Variants in WRAP53 observed in about 807,000 individuals in gnomAD.
The protein encoded by WRAP53 is WD repeat containing antisense to TP53, also known as telomerase Cajal body protein 1.
Under a neutral mutation model 56.6 loss-of-function variants are expected in WRAP53, and 28 were observed. That is an observed-to-expected ratio of 0.50 (90% CI 0.37 to 0.68). The LOEUF is 0.68. Among genes scored for constraint, WRAP53 ranks in the 30% least tolerant of loss-of-function variants. The pLI is 0.00. For missense variants in WRAP53, 671 were observed against 715.5 expected (o/e 0.94, Z 0.71); for synonymous variants, 283 against 283.4 (o/e 1.00, Z 0.01).
chr17:7,689,788 C>T, intron 4 of WRAP53, 87 bp downstream of exon 4: 1 of 1,126,270 alleles, frequency 8.9e-7, no homozygotes, highest in Non-Finnish European at 1.3e-6. Flanking sequence ...CAAGTGTTTC[C>T]TGTTCACAAA....
intron 4 of WRAP53, among the ~76,000 whole-genome samples, chr17:7,699,481 TA>T (rs2074236677): frequency 1.2e-4 from 1 of 8,474 alleles, no homozygotes; most frequent in Non-Finnish European, 1.9e-4. Flanking sequence ...TATATTTATA[TA>T]TATATATATA....
chr17:7,695,609 C>T (rs1435174607), intron 4 of WRAP53, among the ~76,000 whole-genome samples: 3 of 152,108 alleles, frequency 2.0e-5, no homozygotes, highest in Admixed American at 6.6e-5. Flanking sequence ...GAAACTTTTC[C>T]CTTGAGGCTT....
chr17:7,699,458 T>TTATATATATATATA (rs1165734343), intron 4 of WRAP53, among the ~76,000 whole-genome samples: 2 of 39,878 alleles, frequency 5.0e-5, no homozygotes, highest in African/African-American at 1.9e-4. Flanking sequence ...ATATATATAT[T>TTATATATATATATA]TATATATATA....
rs1234525459 is a variant in WRAP53, at chr17:7,701,552, A to G, written c.822+3A>G. 1.2e-6 allele frequency: 2 copies of G among 1,614,236 alleles called. No homozygotes were observed. The highest frequency in any genetic ancestry group is 1.7e-6 in the Non-Finnish European group (2 of 1,180,038). On this transcript the variant is annotated splice_donor_region_variant and intron_variant, in intron 6 of 10. Coordinates refer to ENST00000396463, the MANE Select transcript of WRAP53 (RefSeq NM_001143992.2). The surrounding 1 kb of genome is among the most constrained non-coding windows in gnomAD (Gnocchi z 4.2). Reference sequence around the variant, plus strand: ...CCTTTCGCGCCTACAACCACCTGGTAGGGACCGCCATACTCAGCCCCAGCA... The same window carrying G: ...CCTTTCGCGCCTACAACCACCTGGTGGGGACCGCCATACTCAGCCCCAGCA...
chr17:7,699,502 T>TATATATATTTATA (rs1567577549), intron 4 of WRAP53, among the ~76,000 whole-genome samples: 1 of 11,764 alleles, frequency 8.5e-5, no homozygotes, highest in Admixed American at 1.5e-3. Flanking sequence ...ATATATATAT[T>TATATATATTTATA]TATATATATA....
chr17:7,701,667 C>T lies in WRAP53; in HGVS notation c.833C>T (p.Thr278Met), dbSNP rs140702003. ...FRAYNHLDEL[T>M]AAHSLCFSPD... is the part of the protein sequence containing the mutation. ...CTTTCCTTCCCCCAGGATGAGCTGACGGCAGCCCATTCGCTCTGCTTCTCC... is the reference window on the plus strand; with the variant it reads ...CTTTCCTTCCCCCAGGATGAGCTGATGGCAGCCCATTCGCTCTGCTTCTCC... The change falls in exon 7 of 11, where the codon ACG (threonine) becomes ATG (methionine). Residue 278 changes from threonine to methionine, a missense_variant. Transcript: ENST00000396463. This position sits in a 1 kb window ranked among gnomAD's most constrained non-coding sequence, Gnocchi z 4.2. The T allele has an allele frequency of 1.6e-5, 26 of 1,614,236 alleles. No individual in the cohort carries two copies. The highest frequency in any genetic ancestry group is 4.4e-5 in the South Asian group (4 of 91,090).
rs145615009 is a variant in WRAP53 at position 7,695,112 on chromosome 17, C to A, written c.642+5411C>A. 1.2e-4 allele frequency among the ~76,000 whole-genome samples: 18 copies of A among 152,146 alleles called. No individual in the cohort carries two copies. In the East Asian group the frequency reaches 3.3e-3, roughly 28 times the overall value. ...GGACTACACGCACCCACTGCCACCA[C>A]GCCAGGCTAATTTTTTGTATTTTTA... On this transcript the variant is annotated intron_variant, in intron 4 of 10. Coordinates refer to ENST00000396463, the MANE Select transcript of WRAP53 (RefSeq NM_001143992.2).
rs1430366658 is a variant in WRAP53 at position 7,701,976 on chromosome 17, A to G, written c.955+187A>G. 7.5e-6 allele frequency: 7 copies of G among 938,056 alleles called. No individual in the cohort carries two copies. The highest frequency in any genetic ancestry group is 6.0e-5 in the Admixed American group (3 of 50,264). The allele number at this position is 938,056 out of a possible 1,614,324, so 58.1% of individuals were successfully genotyped here. A position where few individuals can be genotyped will look rare whatever the true frequency, so the allele number is the denominator to read the frequency against. On this transcript the variant is annotated intron_variant, in intron 7 of 10. Coordinates refer to ENST00000396463, the MANE Select transcript of WRAP53 (RefSeq NM_001143992.2). The surrounding 1 kb of genome is among the most constrained non-coding windows in gnomAD (Gnocchi z 4.2). ...GCAGGTAGGAAACCTTCCCAAGGCC[A>G]ACCAGCTGGTCAAAGGACTGCTTCC...
At chr17:7,694,683 C>T (rs1487734019) in intron 4 of WRAP53, among the ~76,000 whole-genome samples, 3 of 152,060 alleles carry the variant, frequency 2.0e-5, no homozygotes, top group Non-Finnish European at 4.4e-5. Flanking sequence ...CAGATCCTGT[C>T]TCTATCAAAA....
At chr17:7,694,242 C>CTTTTTTTTTTTTT (rs749740076) in intron 4 of WRAP53, among the ~76,000 whole-genome samples, 30 of 122,580 alleles carry the variant, frequency 2.4e-4, no homozygotes, top group Middle Eastern at 4.3e-3. Flanking sequence ...TTTTTTCTTT[C>CTTTTTTTTTTTTT]TTTTTTTTTT....
chr17:7,699,348 G>A (rs2074226910), intron 4 of WRAP53, among the ~76,000 whole-genome samples: 1 of 148,660 alleles, frequency 6.7e-6, no homozygotes, highest in East Asian at 2.0e-4. Flanking sequence ...TTGAACCTGG[G>A]AGGTGGAGGT....
In WRAP53 at chr17:7,703,319, G is replaced by A. The variant is rs35123152; in HGVS notation, c.1480G>A (p.Glu494Lys). Reference protein sequence around the residue: ...VFPEPTESGDEGEELGLPLLS... With the variant: ...VFPEPTESGDKGEELGLPLLS... ...TCCTGAGCCCACAGAGAGTGGGGAC[G>A]AAGGAGAGGAGCTGGGCCTTCCCTT... is the stretch of plus-strand genomic sequence containing the variant. Residue 494 changes from glutamate to lysine, a missense_variant, in exon 11 of 11, where the codon GAA (glutamate) becomes AAA (lysine). Coordinates refer to ENST00000396463, the MANE Select transcript of WRAP53 (RefSeq NM_001143992.2). 6.2e-6 allele frequency: 10 copies of A among 1,613,872 alleles called. No homozygotes were observed. The highest frequency in any genetic ancestry group is 1.7e-5 in the Admixed American group (1 of 59,998).
upstream of WRAP53, chr17:7,687,648 G>A: frequency 2.5e-6 from 1 of 398,800 alleles, no homozygotes; most frequent in Non-Finnish European, 4.4e-6. Flanking sequence ...ATGGAGTTGG[G>A]GAGGAGGGTG....
chr17:7,693,576 G>A (rs1020877452), intron 4 of WRAP53, among the ~76,000 whole-genome samples: 11 of 152,096 alleles, frequency 7.2e-5, no homozygotes, highest in African/African-American at 2.4e-4. Context: ...AAAATTAGCC[G>A]GGCTTAGTGG....
At chr17:7,703,211 G>A in intron 10 of WRAP53, 32 bp from the exon 11 acceptor site, 1 of 1,613,088 alleles carries the variant, frequency 6.2e-7, no homozygotes, top group Non-Finnish European at 8.5e-7. Context: ...CTCACTGAAG[G>A]CACTGATAGA....
At chr17:7,694,656 A>G (rs1354427947) in intron 4 of WRAP53, among the ~76,000 whole-genome samples, 1 of 151,160 alleles carries the variant, frequency 6.6e-6, no homozygotes, top group East Asian at 1.9e-4. Context: ...GTTTGAGACC[A>G]GCCTTGGTAA....
chr17:7,703,230 A>G lies in WRAP53; in HGVS notation c.1404-13A>G. 1 of 1,613,184 alleles carries G rather than the reference A, an allele frequency of 6.2e-7. No individual in the cohort carries two copies. Among genetic ancestry groups the G allele is most frequent in the Non-Finnish European group, 8.5e-7 (1 of 1,179,992 alleles). On this transcript the variant is annotated splice_polypyrimidine_tract_variant and intron_variant, in intron 10 of 10. Coordinates refer to ENST00000396463, the MANE Select transcript of WRAP53 (RefSeq NM_001143992.2). ...CTGAAGGCACTGATAGACCCTCCCC[A>G]TCTCTCCCTCAGCCTGCACCCTAGC... is the stretch of plus-strand genomic sequence containing the variant.
In WRAP53 at chr17:7,701,601, C is replaced by T; in HGVS notation, c.822+52C>T. On this transcript the variant is annotated intron_variant, in intron 6 of 10. Transcript: ENST00000396463. This position sits in a 1 kb window ranked among gnomAD's most constrained non-coding sequence, Gnocchi z 4.2. ...CACTCGTACTGGCCCGGCTCTCCTT[C>T]CTTGAGGGCAGCTGAGGCTTTGCAA... 5.6e-6 allele frequency: 9 copies of T among 1,614,264 alleles called. No individual in the cohort carries two copies. The highest frequency in any genetic ancestry group is 7.6e-6 in the Non-Finnish European group (9 of 1,180,054).
At position 7,702,863 on chromosome 17, in the gene WRAP53, C is replaced by A. The variant is rs750980677; in HGVS notation, c.1268+17C>A. On this transcript the variant is annotated intron_variant, in intron 9 of 10. Transcript: ENST00000396463. The surrounding 1 kb of genome is among the most constrained non-coding windows in gnomAD (Gnocchi z 5.0). ...TCTGGACCCGTGAGTGGCTGTGACT[C>A]CTTCCTACACAGGGCCCTGATAAGC... The A allele has an allele frequency of 4.3e-6, 7 of 1,613,556 alleles. No individual in the cohort carries two copies. Among genetic ancestry groups the A allele is most frequent in the South Asian group, 3.3e-5 (3 of 91,086 alleles).
Sources: gnomAD v4.1 joint callset for allele counts (sites outside exome capture counted in the v4.1 genomes callset) on GRCh38, gnomAD v4.1.1 for gene constraint, Gnocchi (gnomAD v3.1) non-coding constraint, MANE v1.5 for transcripts, NCBI Gene and HGNC (gene_info 2026-07-23, HGNC 2026-07-21) for gene names.